The following ELF1 variants were observed in gnomAD, a reference collection of about 807,000 sequenced individuals.
ELF1 encodes E74 like ETS transcription factor 1.
A neutral mutation model predicts 59.9 loss-of-function variants in ELF1; 24 were observed. The ratio of observed to expected loss-of-function variants is 0.40; its 90% CI spans 0.29 to 0.56. ELF1 has a LOEUF of 0.56. ELF1 is among the 20% of genes least tolerant of loss of function. The pLI, the probability that ELF1 is intolerant of heterozygous loss-of-function variation, is 0.44. For missense variants in ELF1, 627 were observed against 742.2 expected (o/e 0.84, Z 1.80); for synonymous variants, 248 against 266.2 (o/e 0.93, Z 0.67).
chr13:41,010,135 G>C (rs780821113), intron 1 of ELF1, among the ~76,000 whole-genome samples: 2 of 150,154 alleles, frequency 1.3e-5, no homozygotes, highest in African/African-American at 4.9e-5. Context: ...GCCAAGCATG[G>C]TGGCTCATGC....
chr13:40,983,632 A>G (rs927794099), intron 1 of ELF1, among the ~76,000 whole-genome samples: 1 of 152,198 alleles, frequency 6.6e-6, no homozygotes. Flanking sequence ...CAACACTGGG[A>G]AAGTATTTTT....
intron 1 of ELF1, among the ~76,000 whole-genome samples, chr13:41,035,836 TA>T (rs776051057): frequency 1.4e-3 from 212 of 148,726 alleles, no homozygotes; most frequent in African/African-American, 4.6e-3. Flanking sequence ...AACTTCTTGT[TA>T]AAAAAAAAAC....
intron 1 of ELF1, among the ~76,000 whole-genome samples, chr13:41,028,704 T>C (rs145327548): frequency 2.0e-5 from 3 of 152,340 alleles, no homozygotes; most frequent in East Asian, 3.9e-4. Context: ...AAGATGTATT[T>C]ACTTTATATC....
At chr13:40,944,524 C>T (rs1353171229) in intron 5 of ELF1, among the ~76,000 whole-genome samples, 1 of 152,140 alleles carries the variant, frequency 6.6e-6, no homozygotes, top group Non-Finnish European at 1.5e-5. Context: ...TTTTCTGTAC[C>T]TTTCAATTCA....
At chr13:40,998,152 C>CA (rs1333229576) in intron 1 of ELF1, among the ~76,000 whole-genome samples, 1 of 151,864 alleles carries the variant, frequency 6.6e-6, no homozygotes, top group Admixed American at 6.6e-5. Context: ...CTCAAAAAAA[C>CA]AAAACAAAAG....
chr13:40,942,470 T>A (rs1566165956), intron 7 of ELF1, among the ~76,000 whole-genome samples: 1 of 152,206 alleles, frequency 6.6e-6, no homozygotes. Context: ...AAGCACTGAT[T>A]TATTCTACTA....
chr13:40,992,633 C>T (rs1360995015), intron 1 of ELF1: 2 of 159,634 alleles, frequency 1.3e-5, no homozygotes, highest in African/African-American at 2.4e-5. Context: ...TTCCTTTTCC[C>T]TACTCATCTT....
At chr13:41,047,593 G>T (rs890530093) in intron 1 of ELF1, among the ~76,000 whole-genome samples, 1 of 152,210 alleles carries the variant, frequency 6.6e-6, no homozygotes, top group Admixed American at 6.5e-5. Flanking sequence ...GCAGAACAGA[G>T]AATATTGCTG....
At chr13:41,008,611 C>T (rs1296915606) in intron 1 of ELF1, among the ~76,000 whole-genome samples, 2 of 151,968 alleles carry the variant, frequency 1.3e-5, no homozygotes, top group Non-Finnish European at 2.9e-5. Flanking sequence ...ACAAGACAGA[C>T]CTATGGATTT....
chr13:41,050,456 T>G (rs191007391), intron 1 of ELF1, among the ~76,000 whole-genome samples: 10 of 152,324 alleles, frequency 6.6e-5, no homozygotes, highest in Non-Finnish European at 1.3e-4. Flanking sequence ...TATTTATTAT[T>G]GTAACGCTGC....
At chr13:41,045,701 T>C (rs1876814265) in intron 1 of ELF1, among the ~76,000 whole-genome samples, 1 of 152,186 alleles carries the variant, frequency 6.6e-6, no homozygotes, top group Admixed American at 6.5e-5. Context: ...TACTTCCAAC[T>C]ATGTGGTCAA....
At chr13:41,047,936 C>T (rs1046261270) in intron 1 of ELF1, among the ~76,000 whole-genome samples, 3 of 152,240 alleles carry the variant, frequency 2.0e-5, no homozygotes, top group Non-Finnish European at 4.4e-5. Flanking sequence ...CCAGTTCGAG[C>T]TTCAGGCCAC....
intron 2 of ELF1, among the ~76,000 whole-genome samples, chr13:40,966,691 C>G (rs1014146661): frequency 6.6e-6 from 1 of 152,146 alleles, no homozygotes; most frequent in South Asian, 2.1e-4. Context: ...TCAAAAAGCA[C>G]AAGAACTTTC....
intron 1 of ELF1, among the ~76,000 whole-genome samples, chr13:41,056,661 C>A: frequency 6.6e-6 from 1 of 152,166 alleles, no homozygotes; most frequent in East Asian, 1.9e-4. Context: ...AGAACGATCT[C>A]ATATGATATC....
intron 1 of ELF1, among the ~76,000 whole-genome samples, chr13:41,011,868 C>T (rs1875085235): frequency 6.6e-6 from 1 of 152,064 alleles, no homozygotes; most frequent in South Asian, 2.1e-4. Context: ...GCTGGGACTA[C>T]AGGTGCATCT....
In ELF1 at chr13:40,932,092, T is replaced by C. The variant is rs1205513825; in HGVS notation, c.*1333A>G. The C allele has an allele frequency of 6.6e-6, 1 of 152,214 alleles. No individual in the cohort carries two copies. The highest frequency in any genetic ancestry group is 1.5e-5 in the Non-Finnish European group (1 of 68,038). The allele number at this position is 152,214 out of a possible 1,614,324, so 9.4% of individuals were successfully genotyped here. Reference sequence around the variant, plus strand: ...AAAGATACAAAAATGTTTAGAGGATTCCAAAATTTAAATTTTTGTTTAAAT... The same window carrying C: ...AAAGATACAAAAATGTTTAGAGGATCCCAAAATTTAAATTTTTGTTTAAAT... On this transcript the variant is annotated 3_prime_UTR_variant, in exon 9 of 9. Coordinates refer to ENST00000239882, the MANE Select transcript of ELF1 (RefSeq NM_172373.4).
intron 2 of ELF1, among the ~76,000 whole-genome samples, chr13:40,970,645 C>T (rs999586547): frequency 2.0e-5 from 3 of 152,156 alleles, no homozygotes; most frequent in Non-Finnish European, 4.4e-5. Flanking sequence ...TGTTAACCTC[C>T]GTGCCAAGAA....
intron 1 of ELF1, among the ~76,000 whole-genome samples, chr13:41,011,520 T>C (rs547561521): frequency 6.6e-6 from 1 of 152,250 alleles, no homozygotes; most frequent in Admixed American, 6.5e-5. Context: ...CATGCCTCAG[T>C]GAAGCCTTGA....
At chr13:40,936,059 A>G (rs928312379) in intron 8 of ELF1, among the ~76,000 whole-genome samples, 30 of 152,212 alleles carry the variant, frequency 2.0e-4, no homozygotes, top group African/African-American at 6.8e-4. Flanking sequence ...ATCAATATGC[A>G]TAACCTTATA....
Sources: allele counts gnomAD v4.1 joint callset (sites outside exome capture counted in the v4.1 genomes callset), GRCh38; gene constraint gnomAD v4.1.1; transcripts MANE v1.5; gene names NCBI Gene and HGNC (gene_info 2026-07-23, HGNC 2026-07-21).